Variants in ITGAL observed in about 807,000 individuals in gnomAD.
ITGAL encodes integrin subunit alpha L.
In ITGAL, 68 loss-of-function variants were observed where a neutral mutation model predicts 138.4. The observed-to-expected ratio is 0.49, with a 90% CI of 0.40 to 0.60. ITGAL has a LOEUF of 0.60. Among genes scored for constraint, ITGAL ranks in the 20% least tolerant of loss-of-function variants. ITGAL has a pLI of 0.00. For missense variants in ITGAL, 1,256 were observed against 1,478.6 expected (o/e 0.85, Z 2.47); for synonymous variants, 561 against 584.3 (o/e 0.96, Z 0.57).
rs1567494919 is a variant in ITGAL at position 30,521,543 on chromosome 16, G to T, written c.3391G>T (p.Val1131Phe). The change falls in exon 31 of 31, where the codon GTC becomes TTC. Residue 1131 changes from valine (V) to phenylalanine (F), a missense_variant. By Grantham distance (50) the Val-to-Phe change is conservative (BLOSUM62 -1). Coordinates refer to ENST00000356798, the MANE Select transcript of ITGAL (RefSeq NM_002209.3). Reference sequence around the variant, plus strand: ...GGAGAAGATGGAGGCTGGCAGAGGTGTCCCGAATGGAATCCCTGCAGAAGA... The same window carrying T: ...GGAGAAGATGGAGGCTGGCAGAGGTTTCCCGAATGGAATCCCTGCAGAAGA... ...LKEKMEAGRG[V>F]PNGIPAEDSE... is the part of the protein sequence containing the mutation. The T allele has an allele frequency of 9.3e-6, 15 of 1,614,232 alleles. No homozygotes were observed. Among genetic ancestry groups the T allele is most frequent in the Non-Finnish European group, 1.2e-5 (14 of 1,180,046 alleles).
At chr16:30,478,158 AC>A (rs2050498343) in intron 4 of ITGAL, among the ~76,000 whole-genome samples, 1 of 150,116 alleles carries the variant, frequency 6.7e-6, no homozygotes, top group African/African-American at 2.5e-5. Context: ...ATATGGTGAA[AC>A]CCCGTCTCTA....
At position 30,489,335 on chromosome 16, in the gene ITGAL, A is replaced by G. The variant is rs780001256; in HGVS notation, c.1162A>G (p.Thr388Ala). 1 of 1,614,106 alleles carries G rather than the reference A, an allele frequency of 6.2e-7. No homozygotes were observed. The highest frequency in any genetic ancestry group is 1.1e-5 in the South Asian group (1 of 91,088). The stretch of plus-strand genomic sequence containing the variant: ...CCTGAAGGCAGACCTGCAGGATGAC[A>G]CATTTATTGGGAATGAACCATTGAC... Reference protein sequence around the residue: ...LDLKADLQDDTFIGNEPLTPE... With the variant: ...LDLKADLQDDAFIGNEPLTPE... Residue 388 changes from threonine to alanine, a missense_variant, in exon 11 of 31, where the codon ACA (threonine) becomes GCA (alanine). Around this residue, in one of 3 missense-constraint regions of ITGAL, gnomAD observed 177 missense variants for 288.8 expected, o/e 0.61. Transcript: ENST00000356798.
chr16:30,508,283 G>A (rs1418244447), intron 21 of ITGAL, among the ~76,000 whole-genome samples: 4 of 144,724 alleles, frequency 2.8e-5, no homozygotes, highest in African/African-American at 7.8e-5. Flanking sequence ...GCGCAATCTC[G>A]GCTCACTGCA....
chr16:30,496,201 G>T lies in ITGAL; in HGVS notation c.1608G>T (p.Leu536=), dbSNP rs777801022. 1.2e-6 allele frequency: 2 copies of T among 1,613,802 alleles called. No individual in the cohort carries two copies. The highest frequency in any genetic ancestry group is 1.3e-5 in the African/African-American group (1 of 74,910). ...TALTDINGDG[L]VDVAVGAPLE... ...TGACAGACATCAACGGCGATGGGCTGGTAGACGTGGCTGTGGGGGCCCCTC... is the reference window on the plus strand; with the variant it reads ...TGACAGACATCAACGGCGATGGGCTTGTAGACGTGGCTGTGGGGGCCCCTC... Residue 536 remains leucine, a synonymous_variant, in exon 14 of 31, where the codon CTG becomes CTT. Transcript: ENST00000356798.
At chr16:30,485,704 T>G (rs1415298279) in intron 9 of ITGAL, among the ~76,000 whole-genome samples, 4 of 151,196 alleles carry the variant, frequency 2.6e-5, no homozygotes, top group Non-Finnish European at 1.5e-5. Flanking sequence ...TTGTATTTTT[T>G]GTATTTTTTG....
At chr16:30,482,173 G>C (rs1403503112) in intron 7 of ITGAL, among the ~76,000 whole-genome samples, 2 of 152,074 alleles carry the variant, frequency 1.3e-5, no homozygotes, top group African/African-American at 4.8e-5. Context: ...GGGATTACAG[G>C]TGTGAGTCAC....
intron 24 of ITGAL, 129 bp from the exon 25 acceptor site, chr16:30,513,642 G>A (rs1264874080): frequency 8.7e-6 from 6 of 685,756 alleles, no homozygotes; most frequent in Non-Finnish European, 1.6e-5. Flanking sequence ...GGAAAGAGCA[G>A]GTTGTGGTAG....
chr16:30,508,767 G>C (rs377034434), intron 21 of ITGAL, among the ~76,000 whole-genome samples: 2 of 152,150 alleles, frequency 1.3e-5, no homozygotes, highest in Admixed American at 1.3e-4. Context: ...GCTGAGGTGG[G>C]TGGATCGCTG....
rs1055892643 is a variant in ITGAL, at chr16:30,520,025, C to G, written c.3339+58C>G. On this transcript the variant is annotated intron_variant, in intron 30 of 30. Transcript: ENST00000356798. ...AGACAGCCAGGCTGGGGAAGGGGAT[C>G]TGGTGGGAGCCAGGGAGGAGAATAC... 32 of 1,277,168 alleles carry G rather than the reference C, an allele frequency of 2.5e-5. No individual in the cohort carries two copies. The African/African-American group carries it at 3.9e-4, about 16-fold the overall frequency. 79.1% of individuals were successfully genotyped at this position (1,277,168 alleles called of 1,614,324 possible). A position where few individuals can be genotyped will look rare whatever the true frequency, so the allele number is the denominator to read the frequency against.
intron 9 of ITGAL, among the ~76,000 whole-genome samples, chr16:30,485,327 C>G (rs1349339688): frequency 6.6e-6 from 1 of 152,022 alleles, no homozygotes; most frequent in East Asian, 1.9e-4. Context: ...CCCAGGCTCA[C>G]GCCATTCTCC....
At position 30,479,137 on chromosome 16, in the gene ITGAL, T is replaced by G. The variant is rs771380844; in HGVS notation, c.374T>G (p.Leu125Arg). Residue 125 changes from leucine (L) to arginine (R), a missense_variant, in exon 5 of 31, where the codon CTG (leucine) becomes CGG (arginine). Transcript: ENST00000356798. ...LSRTCDQNTYLSGLCYLFRQN... is the reference protein window; with the variant it reads ...LSRTCDQNTYRSGLCYLFRQN... The stretch of plus-strand genomic sequence containing the variant: ...CGAACGTGTGACCAGAACACCTATC[T>G]GAGTGGCCTGTGTTACCTCTTCCGC... 3 of 1,614,208 alleles carry G rather than the reference T, an allele frequency of 1.9e-6. No individual in the cohort carries two copies. The highest frequency in any genetic ancestry group is 2.5e-6 in the Non-Finnish European group (3 of 1,180,048).
Position 30,517,013 on chromosome 16 carries a change from C to G in ITGAL, c.2903C>G (p.Thr968Ser). The G allele has an allele frequency of 6.2e-7, 1 of 1,613,916 alleles. No individual in the cohort carries two copies. The highest frequency in any genetic ancestry group is 1.3e-5 in the African/African-American group (1 of 75,044). The change falls in exon 26 of 31, where the codon ACC becomes AGC. Residue 968 changes from threonine (T) to serine (S), a missense_variant. This residue lies in a region of ITGAL where 867 missense variants were observed against 972.5 expected (regional missense o/e 0.89). Transcript: ENST00000356798. ...QPSIHDHNIP[T>S]LEAVVGVPQP... ...TCCATCCACGACCACAACATACCCA[C>G]CCTGGAGGCTGTGGTTGGGGTGCCA... is the stretch of plus-strand genomic sequence containing the variant.
chr16:30,488,499 G>A (rs189220928), intron 9 of ITGAL, among the ~76,000 whole-genome samples: 1 of 151,958 alleles, frequency 6.6e-6, no homozygotes, highest in African/African-American at 2.4e-5. Flanking sequence ...GATCACCTGA[G>A]TTCGAGACCA....
In ITGAL at chr16:30,510,835, C is replaced by T. The variant is rs775250677; in HGVS notation, c.2620-46C>T. 2.8e-6 allele frequency: 4 copies of T among 1,453,852 alleles called. No individual in the cohort carries two copies. The African/African-American group carries it at 4.2e-5, about 15-fold the overall frequency. The allele number at this position is 1,453,852 out of a possible 1,614,324, so 90.1% of individuals were successfully genotyped here. A position where few individuals can be genotyped will look rare whatever the true frequency, so the allele number is the denominator to read the frequency against. ...ATTAGATGTGGGGGCCATGAGGCTG[C>T]TCCTCATGACCCTTCCATTTCCATT... On this transcript the variant is annotated intron_variant, in intron 22 of 30. Coordinates refer to ENST00000356798, the MANE Select transcript of ITGAL (RefSeq NM_002209.3).
rs375825445 is a variant in ITGAL, at chr16:30,479,224, C to A, written c.445+16C>A. The A allele has an allele frequency of 6.2e-7, 1 of 1,613,164 alleles. No homozygotes were observed. The highest frequency in any genetic ancestry group is 1.3e-5 in the African/African-American group (1 of 74,846). ...GGTTTTCAGGGTAAGGAACTGGGGACTCATTGGGTAAAAATACCTCCAAAT... is the reference window on the plus strand; with the variant it reads ...GGTTTTCAGGGTAAGGAACTGGGGAATCATTGGGTAAAAATACCTCCAAAT... On this transcript the variant is annotated intron_variant, in intron 5 of 30. Transcript: ENST00000356798.
intron 28 of ITGAL, 108 bp from the exon 29 acceptor site, chr16:30,518,516 C>T (rs1441948360): frequency 2.7e-6 from 2 of 744,078 alleles, no homozygotes; most frequent in Non-Finnish European, 4.9e-6. Context: ...GGGTGCACCC[C>T]CCTGGAACCC....
chr16:30,496,691 G>T (rs772455398), intron 15 of ITGAL, 125 bp downstream of exon 15: 16 of 848,826 alleles, frequency 1.9e-5, no homozygotes, highest in Non-Finnish European at 2.7e-5. Flanking sequence ...GCTCAGGCTG[G>T]AGTGCAGTGG....
chr16:30,500,496 A>G (rs2050878659), intron 17 of ITGAL, among the ~76,000 whole-genome samples: 1 of 152,018 alleles, frequency 6.6e-6, no homozygotes, highest in African/African-American at 2.4e-5. Context: ...AGGGACTACA[A>G]GTGCACACCA....
chr16:30,497,329 T>C (rs1037699788), intron 15 of ITGAL, among the ~76,000 whole-genome samples: 8 of 146,828 alleles, frequency 5.4e-5, no homozygotes, highest in African/African-American at 2.0e-4. Flanking sequence ...GGTGACAGAG[T>C]GAGACTCCGC....
Sources: gnomAD v4.1 joint callset for allele counts (sites outside exome capture counted in the v4.1 genomes callset) on GRCh38, gnomAD v4.1.1 for gene constraint, gnomAD v4.1.1 regional missense constraint, MANE v1.5 for transcripts, NCBI Gene and HGNC (gene_info 2026-07-23, HGNC 2026-07-21) for gene names.